CTNNA2: variants seen among roughly 807,000 people sequenced by gnomAD.
CTNNA2 encodes catenin alpha-2.
In CTNNA2, 42 loss-of-function variants were observed where a neutral mutation model predicts 101.0. The ratio of observed to expected loss-of-function variants is 0.42; its 90% CI spans 0.32 to 0.54. CTNNA2 has a LOEUF of 0.54. CTNNA2 is among the 20% of genes least tolerant of loss of function. The pLI, the probability that CTNNA2 is intolerant of heterozygous loss-of-function variation, is 0.14. For missense variants in CTNNA2, 871 were observed against 1,223.1 expected (o/e 0.71, Z 4.29); for synonymous variants, 450 against 456.4 (o/e 0.99, Z 0.18).
chr2:80,253,718 T>C (rs1481009354), intron 7 of CTNNA2, among the ~76,000 whole-genome samples: 1 of 152,210 alleles, frequency 6.6e-6, no homozygotes, highest in Non-Finnish European at 1.5e-5. Context: ...ATAAGAGTGA[T>C]AGATTCTGGA....
At chr2:79,439,437 G>C (rs988124854) in intron 4 of CTNNA2, among the ~76,000 whole-genome samples, 6 of 152,316 alleles carry the variant, frequency 3.9e-5, no homozygotes, top group African/African-American at 1.4e-4. Context: ...GTGTCTGACT[G>C]CTGATGGGTA....
At chr2:79,807,644 A>G (rs1676684258) in intron 3 of CTNNA2, among the ~76,000 whole-genome samples, 1 of 152,180 alleles carries the variant, frequency 6.6e-6, no homozygotes, top group Non-Finnish European at 1.5e-5. Flanking sequence ...CAAAAAATGA[A>G]TTAAAGTGTT....
At chr2:80,549,384 C>T (rs1236669435) in intron 11 of CTNNA2, among the ~76,000 whole-genome samples, 2 of 151,944 alleles carry the variant, frequency 1.3e-5, no homozygotes, top group Non-Finnish European at 2.9e-5. Flanking sequence ...TTTAAAAATT[C>T]ACCGTGAACT....
intron 12 of CTNNA2, among the ~76,000 whole-genome samples, chr2:80,563,058 AAAAAG>A (rs1437080689): frequency 1.1e-3 from 160 of 145,254 alleles, no homozygotes; most frequent in Non-Finnish European, 2.0e-3. Context: ...CAAAAAAAAA[AAAAAG>A]AAAGACATGA....
intron 7 of CTNNA2, among the ~76,000 whole-genome samples, chr2:80,112,893 C>G (rs190308706): frequency 2.0e-5 from 3 of 152,308 alleles, no homozygotes; most frequent in Admixed American, 2.0e-4. Flanking sequence ...TTGGGATTTT[C>G]TGCCTCAGTA....
chr2:80,230,255 T>C (rs948530987), intron 7 of CTNNA2, among the ~76,000 whole-genome samples: 2 of 126,138 alleles, frequency 1.6e-5, no homozygotes, highest in African/African-American at 7.3e-5. Flanking sequence ...TCTTTTTTTT[T>C]CTTTGTTTTT....
At chr2:79,402,785 G>T (rs755225689) in intron 4 of CTNNA2, among the ~76,000 whole-genome samples, 42 of 151,704 alleles carry the variant, frequency 2.8e-4, no homozygotes, top group Non-Finnish European at 3.8e-4. Context: ...CTTCCAAAAA[G>T]TATGCTTTCT....
chr2:79,807,874 G>A (rs879630024), intron 3 of CTNNA2, among the ~76,000 whole-genome samples: 4 of 152,028 alleles, frequency 2.6e-5, no homozygotes, highest in African/African-American at 7.2e-5. Flanking sequence ...ATTTCCTGTC[G>A]ATTTACATTT....
intron 7 of CTNNA2, among the ~76,000 whole-genome samples, chr2:79,940,952 TGTAA>T (rs1688114808): frequency 6.6e-6 from 1 of 152,180 alleles, no homozygotes; most frequent in African/African-American, 2.4e-5. Flanking sequence ...GTTGAACCAT[TGTAA>T]GTCGAGGACC....
intron 7 of CTNNA2, among the ~76,000 whole-genome samples, chr2:79,988,306 A>G (rs1212338686): frequency 6.6e-6 from 1 of 152,176 alleles, no homozygotes; most frequent in Non-Finnish European, 1.5e-5. Context: ...CAGCACTATC[A>G]TCGTGGAGGC....
intron 4 of CTNNA2, among the ~76,000 whole-genome samples, chr2:79,414,563 C>T (rs762838921): frequency 5.3e-5 from 8 of 152,196 alleles, no homozygotes; most frequent in Non-Finnish European, 1.0e-4. Context: ...AAAATGTTCT[C>T]GGATTCTCTA....
intron 7 of CTNNA2, among the ~76,000 whole-genome samples, chr2:80,103,596 A>T (rs945253448): frequency 1.5e-4 from 23 of 152,232 alleles, no homozygotes; most frequent in African/African-American, 4.8e-4. Context: ...ATCTAACCAG[A>T]TGAGCAGTCC....
chr2:79,858,697 A>G (rs904616180), intron 4 of CTNNA2, among the ~76,000 whole-genome samples: 2 of 152,090 alleles, frequency 1.3e-5, no homozygotes, highest in African/African-American at 4.8e-5. Context: ...CCCATCCACA[A>G]TTCCCGTGGC....
chr2:80,137,356 A>G (rs1301059068), intron 7 of CTNNA2, among the ~76,000 whole-genome samples: 2 of 152,158 alleles, frequency 1.3e-5, no homozygotes, highest in African/African-American at 4.8e-5. Context: ...AGAGTTGCTC[A>G]AAGACATAAG....
intron 2 of CTNNA2, among the ~76,000 whole-genome samples, chr2:79,265,960 G>A (rs928265755): frequency 6.6e-6 from 1 of 152,104 alleles, no homozygotes. Flanking sequence ...ACCTCAAGAG[G>A]TTTGCCATGG....
chr2:79,522,159 A>G (rs565978739), intron 1 of CTNNA2, among the ~76,000 whole-genome samples: 48 of 152,302 alleles, frequency 3.2e-4, no homozygotes, highest in African/African-American at 1.1e-3. Flanking sequence ...TGTCTTAAGG[A>G]TAGGAGCCGC....
chr2:80,309,783 C>A (rs1677372013), intron 7 of CTNNA2, among the ~76,000 whole-genome samples: 1 of 151,536 alleles, frequency 6.6e-6, no homozygotes, highest in Admixed American at 6.6e-5. Flanking sequence ...CAACCTCCTT[C>A]TCCCGGGTTC....
intron 3 of CTNNA2, among the ~76,000 whole-genome samples, chr2:79,350,051 AC>A (rs1558640248): frequency 7.7e-6 from 1 of 130,450 alleles, no homozygotes; most frequent in African/African-American, 3.0e-5. Context: ...TCCAGCCTGG[AC>A]GACAGAGCGA....
At chr2:80,033,684 C>T (rs1042534733) in intron 7 of CTNNA2, among the ~76,000 whole-genome samples, 2 of 152,114 alleles carry the variant, frequency 1.3e-5, no homozygotes, top group South Asian at 2.1e-4. Context: ...TGAACAAATA[C>T]CGTATAAGAA....
Sources: allele counts gnomAD v4.1 joint callset (sites outside exome capture counted in the v4.1 genomes callset), GRCh38; gene constraint gnomAD v4.1.1; transcripts MANE v1.5; gene names NCBI Gene and HGNC (gene_info 2026-07-23, HGNC 2026-07-21).